Variants in VPS13B observed in about 807,000 individuals in gnomAD.
VPS13B encodes intermembrane lipid transfer protein VPS13B.
A neutral mutation model predicts 426.4 loss-of-function variants in VPS13B; 285 were observed. The observed-to-expected ratio is 0.67, with a 90% CI of 0.61 to 0.74. The LOEUF (loss-of-function observed/expected upper bound fraction) is 0.74, where lower values mean the gene tolerates loss of function less well. Ranked by LOEUF, VPS13B falls within the 30% of genes least tolerant of loss-of-function variation. VPS13B has a pLI of 0.00. For missense variants in VPS13B, 4,537 were observed against 4,782.6 expected (o/e 0.95, Z 1.51); for synonymous variants, 1,676 against 1,676.4 (o/e 1.00, Z 0.01).
At chr8:99,744,406 A>C (rs1000688804) in intron 39 of VPS13B, among the ~76,000 whole-genome samples, 3 of 152,104 alleles carry the variant, frequency 2.0e-5, no homozygotes, top group Non-Finnish European at 4.4e-5. Flanking sequence ...GTGGAAGTCA[A>C]TGTGGCGATT....
intron 19 of VPS13B, among the ~76,000 whole-genome samples, chr8:99,283,476 C>T (rs561124952): frequency 4.8e-4 from 73 of 152,208 alleles, no homozygotes; most frequent in Non-Finnish European, 8.1e-4. Context: ...TTTTTGTTCA[C>T]GGGAATTAGG....
intron 19 of VPS13B, among the ~76,000 whole-genome samples, chr8:99,331,962 T>C (rs1014824371): frequency 1.3e-5 from 2 of 151,896 alleles, no homozygotes; most frequent in Admixed American, 1.3e-4. Flanking sequence ...AAATTCTGTT[T>C]TGTTTAAGGA....
In VPS13B at chr8:99,557,703, CTTT is replaced by C. The variant is rs367685075; in HGVS notation, c.4949+1051_4949+1053del. 6.7e-4 allele frequency among the ~76,000 whole-genome samples: 102 copies of C among 152,130 alleles called. 1 individual carries two copies. The highest frequency in any genetic ancestry group is 3.4e-3 in the Middle Eastern group (1 of 294). On this transcript the variant is annotated intron_variant, in intron 31 of 61. Transcript: ENST00000357162. ...TTGAATGGTAGTTCTACTTTTAGTT[CTTT>C]AAGAAATCTCGTAGAGAACATTTTT...
At chr8:99,664,028 A>G (rs1830350162) in intron 35 of VPS13B, among the ~76,000 whole-genome samples, 1 of 144,842 alleles carries the variant, frequency 6.9e-6, no homozygotes, top group South Asian at 2.2e-4. Flanking sequence ...TTTTTTTGAG[A>G]TGGAGTCTCA....
intron 33 of VPS13B, among the ~76,000 whole-genome samples, chr8:99,638,886 A>G (rs1829179809): frequency 6.6e-6 from 1 of 152,214 alleles, no homozygotes; most frequent in African/African-American, 2.4e-5. Flanking sequence ...AGATAAACAT[A>G]TCAAACATTC....
intron 5 of VPS13B, among the ~76,000 whole-genome samples, chr8:99,109,010 C>T (rs1847202354): frequency 6.6e-6 from 1 of 152,018 alleles, no homozygotes. Context: ...TTGCTTTTTC[C>T]AGGTTTTGGA....
chr8:99,269,232 T>G (rs1161468390), intron 17 of VPS13B, among the ~76,000 whole-genome samples: 3 of 152,212 alleles, frequency 2.0e-5, no homozygotes, highest in Non-Finnish European at 4.4e-5. Flanking sequence ...AATTTTATTA[T>G]AAAAATTGGT....
intron 17 of VPS13B, among the ~76,000 whole-genome samples, chr8:99,242,012 T>C (rs986909599): frequency 6.6e-6 from 1 of 152,160 alleles, no homozygotes; most frequent in Non-Finnish European, 1.5e-5. Flanking sequence ...GGAGTCTCGC[T>C]ATTGTCAGCC....
intron 40 of VPS13B, among the ~76,000 whole-genome samples, 181 bp from the exon 41 acceptor site, chr8:99,776,594 C>A (rs904764441): frequency 6.6e-6 from 1 of 152,096 alleles, no homozygotes; most frequent in African/African-American, 2.4e-5. Flanking sequence ...TGCACCTGGC[C>A]AAACACGAGC....
At chr8:99,822,330 A>C (rs1477116027) in intron 50 of VPS13B, among the ~76,000 whole-genome samples, 1 of 152,198 alleles carries the variant, frequency 6.6e-6, no homozygotes, top group African/African-American at 2.4e-5. Flanking sequence ...TTAAAAAATA[A>C]ATTTCCGTGA....
intron 6 of VPS13B, among the ~76,000 whole-genome samples, chr8:99,111,798 T>G (rs79078820): frequency 0.049 from 7,474 of 152,238 alleles, 206 homozygotes; most frequent in African/African-American, 0.071. Flanking sequence ...AGGACATGTC[T>G]TTTTATTTTT....
chr8:99,422,268 G>A (rs1182811355), intron 21 of VPS13B, among the ~76,000 whole-genome samples: 2 of 152,106 alleles, frequency 1.3e-5, no homozygotes, highest in Non-Finnish European at 2.9e-5. Flanking sequence ...TAAGCCACAT[G>A]TAGATTTCAA....
At chr8:99,713,037 G>A (rs181444772) in intron 36 of VPS13B, among the ~76,000 whole-genome samples, 188 of 152,186 alleles carry the variant, frequency 1.2e-3, no homozygotes, top group African/African-American at 4.5e-3. Context: ...TTAAGACAAA[G>A]CCTCATAATT....
At chr8:99,115,475 A>C (rs1243444486) in intron 6 of VPS13B, among the ~76,000 whole-genome samples, 1 of 152,140 alleles carries the variant, frequency 6.6e-6, no homozygotes, top group East Asian at 1.9e-4. Flanking sequence ...TTGTATGTAC[A>C]TCATTTGGTT....
chr8:99,338,379 A>G (rs1811049113), intron 19 of VPS13B, among the ~76,000 whole-genome samples: 1 of 151,980 alleles, frequency 6.6e-6, no homozygotes, highest in Non-Finnish European at 1.5e-5. Flanking sequence ...AGGCTTTTGT[A>G]CTTATTTCTT....
chr8:99,735,217 T>C (rs74606519), intron 39 of VPS13B, among the ~76,000 whole-genome samples: 2,968 of 152,254 alleles, frequency 0.019, 104 homozygotes, highest in African/African-American at 0.068. Flanking sequence ...AAAAAACTCA[T>C]TGTATCTAGT....
At chr8:99,758,623 T>G (rs1028371074) in intron 39 of VPS13B, among the ~76,000 whole-genome samples, 2 of 152,128 alleles carry the variant, frequency 1.3e-5, no homozygotes, top group African/African-American at 4.8e-5. Flanking sequence ...TCCTCCTAAA[T>G]CAGGTGTCAG....
Position 99,431,572 on chromosome 8 carries a change from T to C in VPS13B, c.3118T>C (p.Leu1040=), listed in dbSNP as rs746830200. The C allele has an allele frequency of 2.5e-6, 4 of 1,613,550 alleles. No individual in the cohort carries two copies. In the South Asian group the frequency reaches 4.4e-5, roughly 18 times the overall value. ...ATTGTCAGTTCCTGTTAAAGCCATG[T>C]TGAATATATCTGAAAGCTGTAGAAG... ...RPLSVPVKAM[L]NISESCRSPE... The change falls in exon 22 of 62, where the codon TTG becomes CTG. Residue 1040 remains leucine, a synonymous_variant. Coordinates refer to ENST00000357162, the MANE Select transcript of VPS13B (RefSeq NM_152564.5).
In VPS13B at chr8:99,156,550, A is replaced by G. The variant is rs143606631; in HGVS notation, c.2015A>G (p.Asn672Ser). The G allele has an allele frequency of 3.7e-6, 6 of 1,613,776 alleles. No individual in the cohort carries two copies. The highest frequency in any genetic ancestry group is 4.2e-6 in the Non-Finnish European group (5 of 1,179,846). The change falls in exon 15 of 62, where the codon AAC becomes AGC. Residue 672 changes from asparagine to serine, a missense_variant and splice_region_variant. Physicochemically the swap from Asn to Ser is conservative, Grantham distance 46. Coordinates refer to ENST00000357162, the MANE Select transcript of VPS13B (RefSeq NM_152564.5). ...HLLPVIMGEK[N>S]SSNFMNTTNF... ...AAAGCGAACACTATTATTTTCTAGA[A>G]CTCAAGTAACTTCATGAATACTACA...
Sources: gnomAD v4.1 joint callset for allele counts (sites outside exome capture counted in the v4.1 genomes callset) on GRCh38, gnomAD v4.1.1 for gene constraint, MANE v1.5 for transcripts, NCBI Gene and HGNC (gene_info 2026-07-23, HGNC 2026-07-21) for gene names.